The following DISC1 variants were observed in gnomAD, a reference collection of about 807,000 sequenced individuals.
The protein encoded by DISC1 is DISC1 scaffold protein, also known as disrupted in schizophrenia 1 protein.
A neutral mutation model predicts 84.5 loss-of-function variants in DISC1; 57 were observed. The observed-to-expected ratio is 0.67, with a 90% CI of 0.55 to 0.84. The LOEUF is 0.84. DISC1 is among the 40% of genes least tolerant of loss of function. The probability of loss-of-function intolerance (pLI) is 0.00; values close to 1 mark genes in which losing one functional copy is unlikely to be tolerated. For synonymous variants in DISC1, 411 were observed against 415.2 expected (o/e 0.99, Z 0.12); for missense variants, 1,000 against 1,057.8 (o/e 0.95, Z 0.76).
At position 231,907,120 on chromosome 1, in the gene DISC1, TTC is replaced by T. The variant is rs2088773227; in HGVS notation, c.1982-51707_1982-51706del. 9.2e-5 allele frequency among the ~76,000 whole-genome samples: 3 copies of T among 32,650 alleles called. No homozygotes were observed. In the Admixed American group the frequency reaches 1.4e-3, roughly 15 times the overall value. The allele number at this position is 32,650 out of a possible 152,430, so 21.4% of individuals were successfully genotyped here. On this transcript the variant is annotated intron_variant, in intron 9 of 12. Coordinates refer to ENST00000439617, the MANE Select transcript of DISC1 (RefSeq NM_018662.3). Reference sequence around the variant, plus strand: ...CCTCCTTCCTTCTCTCCTTCCTTCCTTCCTTCCTTCCTCTTTCTTTCTTTCTT... The same window carrying T: ...CCTCCTTCCTTCTCTCCTTCCTTCCTCTTCCTTCCTCTTTCTTTCTTTCTT...
chr1:231,996,344 A>C (rs1279290839), intron 10 of DISC1, among the ~76,000 whole-genome samples: 1 of 151,980 alleles, frequency 6.6e-6, no homozygotes, highest in Non-Finnish European at 1.5e-5. Context: ...TCTTTAGTTT[A>C]ATTAGATCCC....
chr1:231,643,229 G>A (rs1366731198), intron 1 of DISC1, among the ~76,000 whole-genome samples: 1 of 152,158 alleles, frequency 6.6e-6, no homozygotes, highest in East Asian at 1.9e-4. Context: ...AGTCAAAGGA[G>A]CTTTTTGTTT....
At chr1:231,733,450 A>G (rs1438619661) in intron 3 of DISC1, among the ~76,000 whole-genome samples, 5 of 137,298 alleles carry the variant, frequency 3.6e-5, no homozygotes, top group Non-Finnish European at 8.1e-5. Flanking sequence ...GATGGTGGTG[A>G]TTGTAGAAGT....
intron 11 of DISC1, among the ~76,000 whole-genome samples, chr1:232,015,207 G>A (rs1420163594): frequency 6.6e-6 from 1 of 152,160 alleles, no homozygotes; most frequent in Non-Finnish European, 1.5e-5. Context: ...GAAGGAAGGG[G>A]ACTCCTCTGA....
chr1:232,020,124 C>A (rs1434885587), intron 11 of DISC1, among the ~76,000 whole-genome samples: 1 of 152,044 alleles, frequency 6.6e-6, no homozygotes, highest in Non-Finnish European at 1.5e-5. Context: ...GGCAGATCAC[C>A]TGAGATCGGG....
At chr1:231,918,413 C>G (rs1314898721) in intron 9 of DISC1, among the ~76,000 whole-genome samples, 1 of 152,130 alleles carries the variant, frequency 6.6e-6, no homozygotes, top group Non-Finnish European at 1.5e-5. Context: ...TTGTTGGTCT[C>G]CAAGAAGCCT....
intron 9 of DISC1, among the ~76,000 whole-genome samples, chr1:231,877,234 T>C (rs951801324): frequency 6.6e-6 from 1 of 152,244 alleles, no homozygotes; most frequent in Non-Finnish European, 1.5e-5. Context: ...ACCAACCTTG[T>C]ACAGCCAGGA....
intron 4 of DISC1, chr1:231,750,462 G>A (rs1396149461): frequency 1.0e-6 from 1 of 1,005,024 alleles, no homozygotes; most frequent in East Asian, 1.0e-4. Context: ...ACCGAGCGAT[G>A]AAAATCCATC....
At chr1:231,785,893 G>A (rs1005237210) in intron 6 of DISC1, among the ~76,000 whole-genome samples, 8 of 152,098 alleles carry the variant, frequency 5.3e-5, no homozygotes, top group African/African-American at 7.2e-5. Flanking sequence ...GGAGCAGGCC[G>A]TTTGCACAGT....
At chr1:231,967,742 A>G (rs1661309724) in intron 10 of DISC1, among the ~76,000 whole-genome samples, 1 of 152,240 alleles carries the variant, frequency 6.6e-6, no homozygotes, top group African/African-American at 2.4e-5. Context: ...CTACAAAGTT[A>G]AGTGAAATCA....
intron 9 of DISC1, among the ~76,000 whole-genome samples, chr1:231,889,058 T>A (rs1014461962): frequency 6.6e-6 from 1 of 152,122 alleles, no homozygotes; most frequent in African/African-American, 2.4e-5. Context: ...TTCCTGGTGT[T>A]CTGAGCACTC....
At chr1:231,947,753 A>T (rs185429771) in intron 9 of DISC1, among the ~76,000 whole-genome samples, 6 of 152,340 alleles carry the variant, frequency 3.9e-5, no homozygotes, top group Non-Finnish European at 8.8e-5. Context: ...ACTTAAACAA[A>T]TTTACCAGTA....
chr1:231,979,050 T>C (rs1663222705), intron 10 of DISC1, among the ~76,000 whole-genome samples: 1 of 152,170 alleles, frequency 6.6e-6, no homozygotes, highest in Non-Finnish European at 1.5e-5. Flanking sequence ...AGTGGTGGCA[T>C]TATATTCTCC....
intron 1 of DISC1, among the ~76,000 whole-genome samples, chr1:231,650,493 C>T (rs778772740): frequency 6.6e-6 from 1 of 152,198 alleles, no homozygotes; most frequent in East Asian, 1.9e-4. Flanking sequence ...CTGCACTTAA[C>T]ATTTTTTCCT....
In DISC1 at chr1:231,720,852, G is replaced by A. The variant is rs189133240; in HGVS notation, c.1117+18828G>A. On this transcript the variant is annotated intron_variant, in intron 3 of 12. Transcript: ENST00000439617. ...GTGTTGTCGTTTCGTTTACAGGTTT[G>A]TTGGAGGAAGTTGCTACCAGTCATC... 2.5e-4 allele frequency: 325 copies of A among 1,290,922 alleles called. 1 individual carries two copies. The highest frequency in any genetic ancestry group is 3.0e-4 in the Non-Finnish European group (299 of 988,854). The allele number at this position is 1,290,922 out of a possible 1,614,324, so 80.0% of individuals were successfully genotyped here. A position where few individuals can be genotyped will look rare whatever the true frequency, so the allele number is the denominator to read the frequency against.
At chr1:231,687,010 A>G (rs886895082) in intron 1 of DISC1, among the ~76,000 whole-genome samples, 8 of 152,108 alleles carry the variant, frequency 5.3e-5, no homozygotes, top group Non-Finnish European at 1.0e-4. Context: ...CCTCATCTCC[A>G]TCTGAGACCA....
intron 9 of DISC1, among the ~76,000 whole-genome samples, chr1:231,839,217 C>T (rs924527568): frequency 6.6e-6 from 1 of 152,094 alleles, no homozygotes; most frequent in Admixed American, 6.6e-5. Flanking sequence ...ATCTAGGAGA[C>T]AGGGATCCAA....
intron 9 of DISC1, among the ~76,000 whole-genome samples, chr1:231,902,184 A>C (rs971044157): frequency 8.5e-5 from 13 of 152,182 alleles, no homozygotes; most frequent in Non-Finnish European, 1.9e-4. Context: ...TGGGCACCAC[A>C]GAGGCTAGCA....
chr1:231,747,733 T>A (rs1241748028), intron 3 of DISC1, among the ~76,000 whole-genome samples: 1 of 152,190 alleles, frequency 6.6e-6, no homozygotes, highest in African/African-American at 2.4e-5. Context: ...TATGATTACT[T>A]TGGTTATTTG....
Sources: gnomAD v4.1 joint callset for allele counts (sites outside exome capture counted in the v4.1 genomes callset) on GRCh38, gnomAD v4.1.1 for gene constraint, MANE v1.5 for transcripts, NCBI Gene and HGNC (gene_info 2026-07-23, HGNC 2026-07-21) for gene names.